The following ITGB1BP2 variants were observed in gnomAD, a reference collection of about 807,000 sequenced individuals.
The protein encoded by ITGB1BP2 is integrin subunit beta 1 binding protein 2, also known as integrin beta-1-binding protein 2.
ITGB1BP2 carries 27 observed loss-of-function variants against 32.2 expected under a neutral mutation model. That is an observed-to-expected ratio of 0.84 (90% CI 0.62 to 1.16). ITGB1BP2 has a LOEUF of 1.16. Among genes scored for constraint, ITGB1BP2 ranks in the 50% most tolerant of loss-of-function variants. ITGB1BP2 has a pLI of 0.00. For missense variants in ITGB1BP2, 250 were observed against 267.3 expected, an observed-to-expected ratio of 0.94 and a Z score of 0.45; for synonymous variants, 105 against 94.7, an observed-to-expected ratio of 1.11 and a Z score of -0.63.
rs145020995 is a variant in ITGB1BP2, at chrX:71,302,299, G to A, written c.137G>A (p.Arg46Gln). ...CAGGGTTGGTCCTGCTGCCGAAAGC[G>A]AACTGTAGATTTCTCTGAGTTCTTA... is the stretch of plus-strand genomic sequence containing the variant. ...ALKGWSCCRKRTVDFSEFLNI... is the reference protein window; with the variant it reads ...ALKGWSCCRKQTVDFSEFLNI... The change falls in exon 3 of 11, where the codon CGA (arginine) becomes CAA (glutamine). Residue 46 changes from arginine (R) to glutamine (Q), a missense_variant. By Grantham distance (43) the Arg-to-Gln change is conservative (BLOSUM62 1). Coordinates refer to ENST00000373829, the MANE Select transcript of ITGB1BP2 (RefSeq NM_012278.4). 69 of 1,208,900 alleles carry A rather than the reference G, an allele frequency of 5.7e-5. No individual in the cohort carries two copies. Among genetic ancestry groups the A allele is most frequent in the East Asian group, 5.9e-5 (2 of 33,741 alleles).
Position 71,304,601 on chromosome X carries a change from G to A in ITGB1BP2, c.813G>A (p.Trp271Ter). Residue 271 changes from tryptophan to a stop codon, truncating the protein, a stop_gained, in exon 10 of 11, where the codon TGG becomes TGA. Coordinates refer to ENST00000373829, the MANE Select transcript of ITGB1BP2 (RefSeq NM_012278.4). LOFTEE classifies it high-confidence loss of function. ...NRVFQAQMKLWGVINVEQSSV... is the reference protein window; with the variant it reads ...NRVFQAQMKL ...TGTTCCAAGCACAGATGAAGCTCTG[G>A]GGGGTAAGTGAAGACCAGGGGACAC... 8.3e-7 allele frequency: 1 copy of A among 1,203,495 alleles called. No homozygotes were observed. The highest frequency in any genetic ancestry group is 1.1e-6 in the Non-Finnish European group (1 of 890,293).
At position 71,305,016 on chromosome X, in the gene ITGB1BP2, A is replaced by G; in HGVS notation, c.868A>G (p.Ile290Val). The change falls in exon 11 of 11, where the codon ATC becomes GTC. Residue 290 changes from isoleucine to valine, a missense_variant. Ile to Val is a conservative substitution (Grantham distance 29). Coordinates refer to ENST00000373829, the MANE Select transcript of ITGB1BP2 (RefSeq NM_012278.4). ...SVFLMPSRVEISLVKADPGSW... is the reference protein window; with the variant it reads ...SVFLMPSRVEVSLVKADPGSW... ...CTTCTTGATGCCATCTCGGGTTGAA[A>G]TCTCCCTGGTCAAGGCTGACCCAGG... is the stretch of plus-strand genomic sequence containing the variant. The G allele has an allele frequency of 8.3e-7, 1 of 1,210,460 alleles. No individual in the cohort carries two copies. The highest frequency in any genetic ancestry group is 1.7e-5 in the African/African-American group (1 of 57,443).
chrX:71,304,546 A>G lies in ITGB1BP2; in HGVS notation c.758A>G (p.His253Arg), dbSNP rs372536891. 55 of 1,206,444 alleles carry G rather than the reference A, an allele frequency of 4.6e-5. No homozygotes were observed. The African/African-American group carries it at 5.8e-4, about 13-fold the overall frequency. The part of the protein sequence containing the change: ...NWVKASQTEL[H>R]VHIVFDGNRV... Reference sequence around the variant, plus strand: ...CCTGTAATTCTTTTCTCTCAGCTTCATGTCCACATTGTCTTTGATGGTAAC... The same window carrying G: ...CCTGTAATTCTTTTCTCTCAGCTTCGTGTCCACATTGTCTTTGATGGTAAC... Residue 253 changes from histidine to arginine, a missense_variant, in exon 10 of 11, where the codon CAT (histidine) becomes CGT (arginine). Coordinates refer to ENST00000373829, the MANE Select transcript of ITGB1BP2 (RefSeq NM_012278.4).
rs1488792040 is a variant in ITGB1BP2 at position 71,302,178 on chromosome X, G to A, written c.106G>A (p.Ala36Thr). The change falls in exon 2 of 11, where the codon GCA (alanine) becomes ACA (threonine). Residue 36 changes from alanine to threonine, a missense_variant. Coordinates refer to ENST00000373829, the MANE Select transcript of ITGB1BP2 (RefSeq NM_012278.4). ...CCCTGGGGTCCCAATCTTCCATGAT[G>A]CACTTAAGGTGAGGAGTAGGTGAGG... is the stretch of plus-strand genomic sequence containing the variant. Reference protein sequence around the residue: ...HHPGVPIFHDALKGWSCCRKR... With the variant: ...HHPGVPIFHDTLKGWSCCRKR... 3 of 1,208,539 alleles carry A rather than the reference G, an allele frequency of 2.5e-6. No individual in the cohort carries two copies. Among genetic ancestry groups the A allele is most frequent in the Non-Finnish European group, 3.4e-6 (3 of 894,780 alleles).
At chrX:71,304,778 C>T (rs1263069658) in intron 10 of ITGB1BP2, 174 bp downstream of exon 10, 6 of 477,340 alleles carry the variant, frequency 1.3e-5, no homozygotes, top group Non-Finnish European at 2.1e-5. Flanking sequence ...CTTTCCCTCC[C>T]CTCTTCCTTC....
chrX:71,303,250 C>CT lies in ITGB1BP2; in HGVS notation c.318-10dup. On this transcript the variant is annotated splice_polypyrimidine_tract_variant and intron_variant, in intron 4 of 10. Coordinates refer to ENST00000373829, the MANE Select transcript of ITGB1BP2 (RefSeq NM_012278.4). ...AATGGGTCAGAACTAAATCACCACC[C>CT]TTAACCCCTAGGTCAGAGTTGCCTC... 6 of 1,202,023 alleles carry CT rather than the reference C, an allele frequency of 5.0e-6. No individual in the cohort carries two copies. Among genetic ancestry groups the CT allele is most frequent in the Non-Finnish European group, 5.6e-6 (5 of 887,748 alleles).
Position 71,304,231 on chromosome X carries a change from A to G in ITGB1BP2, c.684A>G (p.Leu228=). The change falls in exon 9 of 11, where the codon TTA becomes TTG. Residue 228 remains leucine, a synonymous_variant. Transcript: ENST00000373829. ...ATGATTGGCACCAGACAGATTCCTT[A>G]GTAGTGGTGACTGTATATGGCCAGA... ...CRHDWHQTDS[L]VVVTVYGQIP... is the part of the protein sequence containing the mutation. 8.3e-7 allele frequency: 1 copy of G among 1,210,680 alleles called. No individual in the cohort carries two copies. The highest frequency in any genetic ancestry group is 1.1e-6 in the Non-Finnish European group (1 of 894,562).
chrX:71,304,402 T>G, intron 9 of ITGB1BP2, 102 bp downstream of exon 9: 1 of 862,757 alleles, frequency 1.2e-6, no homozygotes, highest in Non-Finnish European at 1.7e-6. Context: ...GGCTCCATAG[T>G]ACCCTTAGAG....
At chrX:71,302,364 C>A (rs768497047) in intron 3 of ITGB1BP2, 31 bp downstream of exon 3, 3 of 1,207,380 alleles carry the variant, frequency 2.5e-6, no homozygotes, top group Admixed American at 4.4e-5. Context: ...GATTCTGCCC[C>A]CAATAGAAGG....
At position 71,304,297 on chromosome X, in the gene ITGB1BP2, T is replaced by G; in HGVS notation, c.750T>G (p.Thr250=). The stretch of plus-strand genomic sequence containing the variant: ...TTAACTGGGTGAAGGCCAGTCAAAC[T>G]GAGGTGAGCAATGATCTGATGTTGG... ...PAFNWVKASQ[T]ELHVHIVFDG... The change falls in exon 9 of 11, where the codon ACT becomes ACG. Residue 250 remains threonine (T), a synonymous_variant. Coordinates refer to ENST00000373829, the MANE Select transcript of ITGB1BP2 (RefSeq NM_012278.4). The G allele has an allele frequency of 2.6e-6, 3 of 1,170,383 alleles. No homozygotes were observed. Among genetic ancestry groups the G allele is most frequent in the Non-Finnish European group, 3.5e-6 (3 of 857,768 alleles).
intron 10 of ITGB1BP2, 97 bp downstream of exon 10, chrX:71,304,701 G>C: frequency 4.4e-6 from 3 of 684,152 alleles, no homozygotes; most frequent in Non-Finnish European, 6.6e-6. Context: ...AGTTGTACTA[G>C]GAAAATGGAG....
At chrX:71,303,068 C>T (rs1450430994) in intron 4 of ITGB1BP2, among the ~76,000 whole-genome samples, 194 bp from the exon 5 acceptor site, 2 of 111,372 alleles carry the variant, frequency 1.8e-5, no homozygotes, top group African/African-American at 6.5e-5. Flanking sequence ...AAGAGAAGTG[C>T]TGGGGATTTC....
rs199968396 is a variant in ITGB1BP2, at chrX:71,301,794, A to G, written c.-13A>G. 1.2e-3 allele frequency: 1,435 copies of G among 1,203,341 alleles called. 1 individual carries two copies. Among genetic ancestry groups the G allele is most frequent in the Non-Finnish European group, 1.5e-3 (1,357 of 889,874 alleles). ...TGAAATACCCTTTCAGTAATCATTC[A>G]ACCAACGCTTCCATGTCTCTACTCT... On this transcript the variant is annotated 5_prime_UTR_variant, in exon 1 of 11. Coordinates refer to ENST00000373829, the MANE Select transcript of ITGB1BP2 (RefSeq NM_012278.4).
At position 71,304,192 on chromosome X, in the gene ITGB1BP2, A is replaced by G. The variant is rs2031660593; in HGVS notation, c.645A>G (p.Pro215=). 2 of 1,201,691 alleles carry G rather than the reference A, an allele frequency of 1.7e-6. No homozygotes were observed. Among genetic ancestry groups the G allele is most frequent in the Non-Finnish European group, 2.3e-6 (2 of 887,729 alleles). ...VGRHDWGKQL[P]ASCRHDWHQT... The stretch of plus-strand genomic sequence containing the variant: ...ATTTCACATCTTCTCTTTAGCTCCC[A>G]GCATCTTGCCGCCATGATTGGCACC... The change falls in exon 9 of 11, where the codon CCA becomes CCG. Residue 215 remains proline, a synonymous_variant. Transcript: ENST00000373829.
rs143598697 is a variant in ITGB1BP2, at chrX:71,303,091, G to T, written c.318-171G>T. 5.9e-3 allele frequency among the ~76,000 whole-genome samples: 657 copies of T among 111,661 alleles called. 4 individuals carry two copies. The highest frequency in any genetic ancestry group is 8.5e-3 in the Non-Finnish European group (451 of 53,091). ...TGCTGGGGATTTCTCTAGGGTTCAG[G>T]TATTTGGGATGTCCACAGAGATGAA... On this transcript the variant is annotated intron_variant, in intron 4 of 10. Transcript: ENST00000373829.
In ITGB1BP2 at chrX:71,305,068, A is replaced by C; in HGVS notation, c.920A>C (p.Asp307Ala). The change falls in exon 11 of 11, where the codon GAT becomes GCT. Residue 307 changes from aspartate to alanine, a missense_variant. Coordinates refer to ENST00000373829, the MANE Select transcript of ITGB1BP2 (RefSeq NM_012278.4). Reference protein sequence around the residue: ...PGSWAQLEHPDALAKKARAGV... With the variant: ...PGSWAQLEHPAALAKKARAGV... Reference sequence around the variant, plus strand: ...TCCTGGGCCCAGCTGGAGCACCCTGATGCACTAGCTAAGAAGGCTAGGGCA... The same window carrying C: ...TCCTGGGCCCAGCTGGAGCACCCTGCTGCACTAGCTAAGAAGGCTAGGGCA... 8.3e-7 allele frequency: 1 copy of C among 1,210,785 alleles called. No homozygotes were observed. The highest frequency in any genetic ancestry group is 1.8e-5 in the South Asian group (1 of 56,938).
chrX:71,304,709 G>T, intron 10 of ITGB1BP2, 105 bp downstream of exon 10: 1 of 665,381 alleles, frequency 1.5e-6, no homozygotes. Context: ...TAGGAAAATG[G>T]AGGTTTTCTC....
chrX:71,304,259 C>T lies in ITGB1BP2; in HGVS notation c.712C>T (p.Pro238Ser). Residue 238 changes from proline (P) to serine (S), a missense_variant, in exon 9 of 11, where the codon CCA (proline) becomes TCA (serine). Physicochemically the swap from Pro to Ser is moderately conservative, Grantham distance 74. Coordinates refer to ENST00000373829, the MANE Select transcript of ITGB1BP2 (RefSeq NM_012278.4). The stretch of plus-strand genomic sequence containing the variant: ...AGTGGTGACTGTATATGGCCAGATT[C>T]CACTTCCTGCGTTTAACTGGGTGAA... ...LVVVTVYGQIPLPAFNWVKAS... is the reference protein window; with the variant it reads ...LVVVTVYGQISLPAFNWVKAS... 1.7e-6 allele frequency: 2 copies of T among 1,209,063 alleles called. No homozygotes were observed. The highest frequency in any genetic ancestry group is 2.2e-6 in the Non-Finnish European group (2 of 893,064).
chrX:71,302,408 T>C lies in ITGB1BP2; in HGVS notation c.172-3T>C, dbSNP rs760806533. The C allele has an allele frequency of 1.7e-6, 2 of 1,211,207 alleles. No individual in the cohort carries two copies. Among genetic ancestry groups the C allele is most frequent in the Admixed American group, 4.4e-5 (2 of 45,921 alleles). On this transcript the variant is annotated splice_region_variant and splice_polypyrimidine_tract_variant and intron_variant, in intron 3 of 10. Transcript: ENST00000373829. Reference sequence around the variant, plus strand: ...CCTAATCCTATCTCCTTATCTATACTAGGGCTGTACTATGGGACCACACTG... The same window carrying C: ...CCTAATCCTATCTCCTTATCTATACCAGGGCTGTACTATGGGACCACACTG...
Sources: gnomAD v4.1 joint callset for allele counts (sites outside exome capture counted in the v4.1 genomes callset) on GRCh38, gnomAD v4.1.1 for gene constraint, MANE v1.5 for transcripts, NCBI Gene and HGNC (gene_info 2026-07-23, HGNC 2026-07-21) for gene names.